NOMO3: variants seen among roughly 807,000 people sequenced by gnomAD.
NOMO3 encodes NODAL modulator 3.
A neutral mutation model predicts 69.9 loss-of-function variants in NOMO3; 15 were observed. That is an observed-to-expected ratio of 0.21 (90% confidence interval 0.14 to 0.33). The LOEUF is 0.33. Ranked by LOEUF, NOMO3 falls within the 10% of genes least tolerant of loss-of-function variation. The pLI, the probability that NOMO3 is intolerant of heterozygous loss-of-function variation, is 1.00. For missense variants in NOMO3, 218 were observed against 761.0 expected, an observed-to-expected ratio of 0.29 and a Z score of 8.39; for synonymous variants, 89 against 301.9, an observed-to-expected ratio of 0.29 and a Z score of 7.31.
At chr16:16,237,488 C>T (rs1028084097) in intron 2 of NOMO3, among the ~76,000 whole-genome samples, 2 of 144,058 alleles carry the variant, frequency 1.4e-5, no homozygotes, top group African/African-American at 5.6e-5. Flanking sequence ...CTTTTCGCTC[C>T]AATTTTACCT....
Position 16,233,554 on chromosome 16 carries a change from T to C in NOMO3, c.165+723T>C, listed in dbSNP as rs1394998846. 5.7e-5 allele frequency among the ~76,000 whole-genome samples: 6 copies of C among 105,494 alleles called. 1 individual carries two copies. Among genetic ancestry groups the C allele is most frequent in the African/African-American group, 2.3e-4 (6 of 26,544 alleles). The allele number at this position is 105,494 out of a possible 152,430, so 69.2% of individuals were successfully genotyped here. A position where few individuals can be genotyped will look rare whatever the true frequency, so the allele number is the denominator to read the frequency against. On this transcript the variant is annotated intron_variant, in intron 1 of 30. Transcript: ENST00000399336. The stretch of plus-strand genomic sequence containing the variant: ...GTTGTAAAGTCCTGTTAAATGTTTA[T>C]CAGCCCGGTGGGATTATGACCCAGA...
At chr16:16,254,433 G>A (rs2049492570) in intron 9 of NOMO3, among the ~76,000 whole-genome samples, 1 of 141,454 alleles carries the variant, frequency 7.1e-6, no homozygotes, top group Non-Finnish European at 1.5e-5. Flanking sequence ...AGATCAATAA[G>A]GACTACCTGT....
At chr16:16,252,853 A>T (rs2049476163) in intron 9 of NOMO3, among the ~76,000 whole-genome samples, 2 of 123,960 alleles carry the variant, frequency 1.6e-5, no homozygotes, top group African/African-American at 3.9e-5. Flanking sequence ...TTTTTTTTTA[A>T]GACAGGGTCT....
chr16:16,268,176 G>A (rs1290640956), intron 16 of NOMO3, among the ~76,000 whole-genome samples: 3 of 143,432 alleles, frequency 2.1e-5, no homozygotes, highest in Non-Finnish European at 3.0e-5. Flanking sequence ...CCAGTTTGAC[G>A]CTGTTATGAC....
At chr16:16,238,473 T>G (rs1012054671) in intron 2 of NOMO3, among the ~76,000 whole-genome samples, 5 of 140,102 alleles carry the variant, frequency 3.6e-5, no homozygotes, top group Non-Finnish European at 7.5e-5. Flanking sequence ...TGACCTCAGG[T>G]GATCCGCCCA....
chr16:16,232,540 C>A lies in NOMO3; in HGVS notation c.-127C>A. On this transcript the variant is annotated 5_prime_UTR_variant, in exon 1 of 31. It adds an upstream start codon to the 5' untranslated region. Coordinates refer to ENST00000399336, the MANE Select transcript of NOMO3 (RefSeq NM_001004067.4). The stretch of plus-strand genomic sequence containing the variant: ...TCGAAGCGCGCGTGCGCGGCGGCGG[C>A]TGGCGGCGGCGGTGGGGCGGGGCCT... The A allele has an allele frequency of 8.1e-6, 10 of 1,230,368 alleles. No homozygotes were observed. Among genetic ancestry groups the A allele is most frequent in the Non-Finnish European group, 1.0e-5 (10 of 978,842 alleles). 76.2% of individuals were successfully genotyped at this position (1,230,368 alleles called of 1,614,324 possible).
intron 20 of NOMO3, among the ~76,000 whole-genome samples, 184 bp downstream of exon 20, chr16:16,274,259 T>TTGGATGGATGGATGGA (rs879029300): frequency 2.6e-5 from 3 of 117,378 alleles, no homozygotes; most frequent in Admixed American, 1.8e-4. Flanking sequence ...GATGGTTGGG[T>TTGGATGGATGGATGGA]TGGATGGATG....
intron 29 of NOMO3, among the ~76,000 whole-genome samples, chr16:16,288,214 A>AAAACC (rs2049690040): frequency 9.3e-6 from 1 of 107,124 alleles, no homozygotes; most frequent in South Asian, 3.1e-4. Flanking sequence ...AAAACAAAAC[A>AAAACC]AAACAATCCA....
At position 16,263,218 on chromosome 16, in the gene NOMO3, A is replaced by G. The variant is rs1405028685; in HGVS notation, c.1537+3A>G. 2 of 1,593,708 alleles carry G rather than the reference A, an allele frequency of 1.3e-6. No homozygotes were observed. Among genetic ancestry groups the G allele is most frequent in the African/African-American group, 1.5e-5 (1 of 65,436 alleles). ...TTCTGGGAAAGTCTCTTGTTTGGGT[A>G]AGATATCACTGGAAAGTAAGAACAC... On this transcript the variant is annotated splice_donor_region_variant and intron_variant, in intron 13 of 30. Transcript: ENST00000399336.
chr16:16,232,558 C>G lies in NOMO3; in HGVS notation c.-109C>G. The G allele has an allele frequency of 8.4e-7, 1 of 1,189,762 alleles. No homozygotes were observed. The highest frequency in any genetic ancestry group is 1.1e-6 in the Non-Finnish European group (1 of 942,670). The allele number at this position is 1,189,762 out of a possible 1,614,324, so 73.7% of individuals were successfully genotyped here. A position where few individuals can be genotyped will look rare whatever the true frequency, so the allele number is the denominator to read the frequency against. ...GCGGCGGCTGGCGGCGGCGGTGGGGCGGGGCCTGGGCTGTCAGCCGGCCTA... is the reference window on the plus strand; with the variant it reads ...GCGGCGGCTGGCGGCGGCGGTGGGGGGGGGCCTGGGCTGTCAGCCGGCCTA... On this transcript the variant is annotated 5_prime_UTR_variant, in exon 1 of 31. Coordinates refer to ENST00000399336, the MANE Select transcript of NOMO3 (RefSeq NM_001004067.4).
rs1245502956 is a variant in NOMO3, at chr16:16,243,408, G to T, written c.402+147G>T. The T allele has an allele frequency of 3.1e-5, 29 of 930,430 alleles. 1 individual carries two copies. The highest frequency in any genetic ancestry group is 4.6e-5 in the Non-Finnish European group (29 of 636,164). The allele number at this position is 930,430 out of a possible 1,614,324, so 57.6% of individuals were successfully genotyped here. A position where few individuals can be genotyped will look rare whatever the true frequency, so the allele number is the denominator to read the frequency against. On this transcript the variant is annotated intron_variant, in intron 4 of 30. Coordinates refer to ENST00000399336, the MANE Select transcript of NOMO3 (RefSeq NM_001004067.4). ...AGTGGCAAGTGAGCCTGTGAACTCT[G>T]TACTTCATCCGTGTAGAACACAGCA...
Position 16,263,233 on chromosome 16 carries a change from A to G in NOMO3, c.1537+18A>G, listed in dbSNP as rs370626469. ...TTGTTTGGGTAAGATATCACTGGAA[A>G]GTAAGAACACATAGTTTCAAAGAAG... On this transcript the variant is annotated intron_variant, in intron 13 of 30. Transcript: ENST00000399336. 1.2e-5 allele frequency: 19 copies of G among 1,594,806 alleles called. No individual in the cohort carries two copies. Among genetic ancestry groups the G allele is most frequent in the African/African-American group, 1.5e-5 (1 of 65,858 alleles).
intron 9 of NOMO3, 103 bp from the exon 10 acceptor site, chr16:16,255,617 G>T: frequency 1.5e-6 from 1 of 672,194 alleles, no homozygotes; most frequent in Non-Finnish European, 2.7e-6. Context: ...GGAGGTGGGC[G>T]GCAGGAGCAG....
chr16:16,269,429 ATTT>A (rs750179595), intron 16 of NOMO3, among the ~76,000 whole-genome samples: 7 of 111,462 alleles, frequency 6.3e-5, no homozygotes, highest in Admixed American at 8.7e-5. Context: ...GAGAAACCTG[ATTT>A]TTTTTTTTTT....
At chr16:16,237,016 T>A in intron 2 of NOMO3, 26 bp downstream of exon 2, 1 of 1,586,048 alleles carries the variant, frequency 6.3e-7, no homozygotes, top group Non-Finnish European at 8.5e-7. Flanking sequence ...TTGTCACTTA[T>A]GATGGGAAGT....
Position 16,253,243 on chromosome 16 carries a change from G to T in NOMO3, c.963+721G>T, listed in dbSNP as rs1289382536. 1.4e-5 allele frequency among the ~76,000 whole-genome samples: 2 copies of T among 140,176 alleles called. 1 individual carries two copies. The highest frequency in any genetic ancestry group is 6.1e-5 in the African/African-American group (2 of 32,614). 92.0% of individuals were successfully genotyped at this position (140,176 alleles called of 152,430 possible). ...TCTAGAAAAATAAAGGAAGAAAGGA[G>T]GTAGTACAGTATCAGGGTGGAGACA... On this transcript the variant is annotated intron_variant, in intron 9 of 30. Transcript: ENST00000399336.
In NOMO3 at chr16:16,232,544, C is replaced by T. The variant is rs2049288662; in HGVS notation, c.-123C>T. 6 of 1,220,400 alleles carry T rather than the reference C, an allele frequency of 4.9e-6. No homozygotes were observed. The highest frequency in any genetic ancestry group is 6.2e-6 in the Non-Finnish European group (6 of 970,244). The allele number at this position is 1,220,400 out of a possible 1,614,324, so 75.6% of individuals were successfully genotyped here. On this transcript the variant is annotated 5_prime_UTR_variant, in exon 1 of 31. Coordinates refer to ENST00000399336, the MANE Select transcript of NOMO3 (RefSeq NM_001004067.4). ...AGCGCGCGTGCGCGGCGGCGGCTGGCGGCGGCGGTGGGGCGGGGCCTGGGC... is the reference window on the plus strand; with the variant it reads ...AGCGCGCGTGCGCGGCGGCGGCTGGTGGCGGCGGTGGGGCGGGGCCTGGGC...
rs1477660444 is a variant in NOMO3 at position 16,235,289 on chromosome 16, T to G, written c.166-1612T>G. ...GCGGCTCGTGTCATGGTTTGTTTCA[T>G]GGTCATAGAGCATTAACATTTTGGA... On this transcript the variant is annotated intron_variant, in intron 1 of 30. Transcript: ENST00000399336. 8.0e-5 allele frequency among the ~76,000 whole-genome samples: 12 copies of G among 150,872 alleles called. No individual in the cohort carries two copies. In the South Asian group the frequency reaches 2.5e-3, roughly 31 times the overall value.
At chr16:16,234,039 C>T (rs957197900) in intron 1 of NOMO3, among the ~76,000 whole-genome samples, 2 of 151,338 alleles carry the variant, frequency 1.3e-5, no homozygotes, top group African/African-American at 4.9e-5. Flanking sequence ...CAAGCGGATC[C>T]GTGATCTTCT....
Sources: gnomAD v4.1 joint callset for allele counts (sites outside exome capture counted in the v4.1 genomes callset) on GRCh38, gnomAD v4.1.1 for gene constraint, MANE v1.5 for transcripts, NCBI Gene and HGNC (gene_info 2026-07-23, HGNC 2026-07-21) for gene names.